Variants in IQUB observed in about 807,000 individuals in gnomAD.
IQUB encodes IQ motif and ubiquitin domain containing, also known as IQ motif and ubiquitin-like domain-containing protein.
In IQUB, 86 loss-of-function variants were observed where a neutral mutation model predicts 86.4. The observed-to-expected ratio is 1.00, with a 90% confidence interval of 0.84 to 1.19. The LOEUF (loss-of-function observed/expected upper bound fraction) is 1.19, where lower values mean the gene tolerates loss of function less well. Ranked by LOEUF, IQUB falls within the 50% of genes most tolerant of loss-of-function variation. IQUB has a pLI of 0.00. For synonymous variants in IQUB, 289 were observed against 304.5 expected, an observed-to-expected ratio of 0.95 and a Z score of 0.53; for missense variants, 946 against 916.9, an observed-to-expected ratio of 1.03 and a Z score of -0.41.
chr7:123,519,319 A>C (rs1315412853), intron 1 of IQUB, among the ~76,000 whole-genome samples: 1 of 152,224 alleles, frequency 6.6e-6, no homozygotes, highest in Non-Finnish European at 1.5e-5. Context: ...ATATAACCAA[A>C]AGAAAGGAAA....
intron 11 of IQUB, among the ~76,000 whole-genome samples, chr7:123,460,170 C>A (rs1437492098): frequency 6.6e-6 from 1 of 151,856 alleles, no homozygotes; most frequent in Non-Finnish European, 1.5e-5. Flanking sequence ...GTTAGTTAAC[C>A]ACTCAGTGCT....
At chr7:123,468,544 G>C (rs1329108610) in intron 9 of IQUB, among the ~76,000 whole-genome samples, 1 of 41,678 alleles carries the variant, frequency 2.4e-5, no homozygotes, top group African/African-American at 9.9e-5. Context: ...CATCCAATAC[G>C]TGGTCAAAAT....
At chr7:123,516,819 A>T (rs367567196) in intron 1 of IQUB, among the ~76,000 whole-genome samples, 5 of 152,186 alleles carry the variant, frequency 3.3e-5, no homozygotes, top group African/African-American at 1.2e-4. Context: ...TGGCTGGGAG[A>T]ATATGTGATC....
At chr7:123,495,558 T>G (rs1795670956) in intron 7 of IQUB, among the ~76,000 whole-genome samples, 1 of 152,110 alleles carries the variant, frequency 6.6e-6, no homozygotes, top group Admixed American at 6.6e-5. Context: ...AAAAATTTAT[T>G]TCCTTGGACT....
chr7:123,499,890 C>A (rs753095846), intron 6 of IQUB, among the ~76,000 whole-genome samples: 5 of 152,118 alleles, frequency 3.3e-5, no homozygotes, highest in Admixed American at 1.3e-4. Flanking sequence ...GTACAAGATA[C>A]AAGTCATAAA....
intron 9 of IQUB, among the ~76,000 whole-genome samples, chr7:123,465,533 A>G (rs538035154): frequency 1.3e-5 from 2 of 151,970 alleles, no homozygotes; most frequent in African/African-American, 2.4e-5. Flanking sequence ...TCTATTTATT[A>G]TAGGTCACAA....
At chr7:123,522,204 A>T (rs1307663021) in intron 1 of IQUB, among the ~76,000 whole-genome samples, 1 of 152,078 alleles carries the variant, frequency 6.6e-6, no homozygotes, top group African/African-American at 2.4e-5. Context: ...TTACTGTAAA[A>T]GCAGTAAATT....
chr7:123,505,653 A>G (rs1333031650), intron 3 of IQUB, among the ~76,000 whole-genome samples: 1 of 152,112 alleles, frequency 6.6e-6, no homozygotes, highest in Non-Finnish European at 1.5e-5. Flanking sequence ...AAGTGTCCCA[A>G]ACGGCCCTGG....
chr7:123,483,214 A>G, intron 7 of IQUB, among the ~76,000 whole-genome samples: 1 of 152,052 alleles, frequency 6.6e-6, no homozygotes, highest in East Asian at 1.9e-4. Context: ...ACAGAGGTTT[A>G]CATAGCTTTA....
chr7:123,468,056 G>C (rs1273027785), intron 9 of IQUB, among the ~76,000 whole-genome samples: 1 of 152,206 alleles, frequency 6.6e-6, no homozygotes, highest in Non-Finnish European at 1.5e-5. Flanking sequence ...GGACAGAGAA[G>C]AATATGTTTG....
intron 1 of IQUB, among the ~76,000 whole-genome samples, chr7:123,525,655 C>A (rs1797166035): frequency 6.6e-6 from 1 of 152,058 alleles, no homozygotes; most frequent in Non-Finnish European, 1.5e-5. Flanking sequence ...AAAACCAGCT[C>A]CTGGATTCAT....
chr7:123,482,932 T>A (rs937583781), intron 7 of IQUB, among the ~76,000 whole-genome samples: 1 of 152,136 alleles, frequency 6.6e-6, no homozygotes, highest in Non-Finnish European at 1.5e-5. Context: ...CAAAACAGGT[T>A]GAAACTGCAG....
chr7:123,518,120 TCTA>T (rs954424039), intron 1 of IQUB, among the ~76,000 whole-genome samples: 2 of 151,414 alleles, frequency 1.3e-5, no homozygotes, highest in Non-Finnish European at 2.9e-5. Flanking sequence ...CCAAGGAAGG[TCTA>T]CTTTTAGAGT....
intron 7 of IQUB, among the ~76,000 whole-genome samples, chr7:123,482,108 T>C (rs749269854): frequency 3.3e-5 from 5 of 152,012 alleles, no homozygotes; most frequent in Non-Finnish European, 7.4e-5. Flanking sequence ...GTCTTTTAGG[T>C]ACAAGGTGAT....
At chr7:123,456,430 C>A (rs1473658952) in intron 12 of IQUB, among the ~76,000 whole-genome samples, 1 of 151,970 alleles carries the variant, frequency 6.6e-6, no homozygotes, top group East Asian at 1.9e-4. Flanking sequence ...TTATTGCTAC[C>A]TTTTCTTTCA....
At chr7:123,484,752 G>A (rs779491994) in intron 7 of IQUB, among the ~76,000 whole-genome samples, 6 of 151,858 alleles carry the variant, frequency 4.0e-5, no homozygotes, top group Non-Finnish European at 8.8e-5. Flanking sequence ...CTCCATTTTC[G>A]TTAGATTGTC....
rs756481892 is a variant in IQUB, at chr7:123,512,113, T to C, written c.228A>G (p.Glu76=). The C allele has an allele frequency of 1.2e-6, 2 of 1,613,948 alleles. No homozygotes were observed. The highest frequency in any genetic ancestry group is 2.7e-5 in the African/African-American group (2 of 74,914). Residue 76 remains glutamate, a synonymous_variant, in exon 2 of 13, where the codon GAA becomes GAG. Transcript: ENST00000324698. ...QSFSSLEPDN[E]QLMEEVISPR... is the part of the protein sequence containing the mutation. ...GTGATATAACCTCTTCCATGAGTTG[T>C]TCATTGTCTGGTTCCAGGCTTGAAA...
Position 123,472,183 on chromosome 7 carries a change from C to T in IQUB, c.1411-2799G>A, listed in dbSNP as rs1000108487. Among the ~76,000 whole-genome samples the T allele has an allele frequency of 4.0e-5, 6 of 150,970 alleles. No individual in the cohort carries two copies. In the East Asian group the frequency reaches 7.8e-4, roughly 20 times the overall value. On this transcript the variant is annotated intron_variant, in intron 8 of 12. Transcript: ENST00000324698. ...AACCCAGGAGGTGGAAGTTGCAGTG[C>T]ACCAAGTCTGCACCACTGCACTCCA...
At chr7:123,507,238 C>T (rs1429575208) in intron 3 of IQUB, among the ~76,000 whole-genome samples, 5 of 152,194 alleles carry the variant, frequency 3.3e-5, no homozygotes, top group African/African-American at 2.4e-5. Context: ...AACCACACTT[C>T]GAGCACCCAA....
Sources: gnomAD v4.1 joint callset for allele counts (sites outside exome capture counted in the v4.1 genomes callset) on GRCh38, gnomAD v4.1.1 for gene constraint, MANE v1.5 for transcripts, NCBI Gene and HGNC (gene_info 2026-07-23, HGNC 2026-07-21) for gene names.